FNBP1L: variants seen among roughly 807,000 people sequenced by gnomAD.
FNBP1L encodes the protein formin binding protein 1 like, also known as formin-binding protein 1-like.
Under a neutral mutation model 91.2 loss-of-function variants are expected in FNBP1L, and 36 were observed. That is an observed-to-expected ratio of 0.39 (90% CI 0.30 to 0.52). The LOEUF (loss-of-function observed/expected upper bound fraction) is 0.52. Among genes scored for constraint, FNBP1L ranks in the 20% least tolerant of loss-of-function variants. FNBP1L has a pLI of 0.66. For synonymous variants in FNBP1L, 242 were observed against 237.0 expected, an observed-to-expected ratio of 1.02 and a Z score of -0.19; for missense variants, 571 against 732.1, an observed-to-expected ratio of 0.78 and a Z score of 2.54.
intron 5 of FNBP1L, among the ~76,000 whole-genome samples, chr1:93,528,591 C>T (rs528827771): frequency 9.9e-5 from 15 of 152,120 alleles, no homozygotes; most frequent in East Asian, 1.9e-4. Flanking sequence ...GAATCAAGAA[C>T]GGAGAAAGCA....
intron 2 of FNBP1L, among the ~76,000 whole-genome samples, chr1:93,511,629 C>A (rs545944504): frequency 6.6e-6 from 1 of 152,168 alleles, no homozygotes; most frequent in Non-Finnish European, 1.5e-5. Flanking sequence ...TGTAAATGGA[C>A]TAAATGCTCC....
intron 2 of FNBP1L, among the ~76,000 whole-genome samples, chr1:93,510,399 T>A (rs1670790125): frequency 6.6e-6 from 1 of 152,192 alleles, no homozygotes; most frequent in Non-Finnish European, 1.5e-5. Context: ...CTGAGGGTCC[T>A]GTCTGTTAGA....
intron 16 of FNBP1L, chr1:93,551,758 A>C (rs1672423491): frequency 1.0e-6 from 1 of 985,254 alleles, no homozygotes; most frequent in Non-Finnish European, 1.2e-6. Context: ...TCTTAGGTGA[A>C]TAAAATAGAT....
chr1:93,509,151 C>G (rs1020706047), intron 2 of FNBP1L, among the ~76,000 whole-genome samples: 4 of 152,124 alleles, frequency 2.6e-5, no homozygotes, highest in Admixed American at 1.3e-4. Flanking sequence ...ATATGTTAGG[C>G]TATACTAGAA....
chr1:93,546,478 G>C (rs914085800), intron 12 of FNBP1L, among the ~76,000 whole-genome samples: 1 of 152,156 alleles, frequency 6.6e-6, no homozygotes, highest in Non-Finnish European at 1.5e-5. Flanking sequence ...GTGGAATAGT[G>C]TGGCTGAGTT....
intron 1 of FNBP1L, among the ~76,000 whole-genome samples, chr1:93,478,955 T>G (rs1669591027): frequency 6.6e-6 from 1 of 152,250 alleles, no homozygotes; most frequent in African/African-American, 2.4e-5. Context: ...GTTTGCTTTC[T>G]AAAAGGCAGC....
chr1:93,471,253 C>T (rs569673470), intron 1 of FNBP1L, among the ~76,000 whole-genome samples: 1 of 152,184 alleles, frequency 6.6e-6, no homozygotes, highest in Non-Finnish European at 1.5e-5. Flanking sequence ...CATGCTGTCA[C>T]TCAAAAACTT....
intron 1 of FNBP1L, among the ~76,000 whole-genome samples, chr1:93,453,635 T>G (rs1482208804): frequency 6.6e-6 from 1 of 152,186 alleles, no homozygotes; most frequent in Non-Finnish European, 1.5e-5. Flanking sequence ...TTTAAACATT[T>G]TCACTTCAAT....
chr1:93,507,087 ACACACACACACACACACACACTCT>A (rs1670646927), intron 2 of FNBP1L, among the ~76,000 whole-genome samples: 3 of 131,100 alleles, frequency 2.3e-5, no homozygotes, highest in African/African-American at 3.2e-5. Flanking sequence ...ACACACACAC[ACACACACACACACACACACACTCT>A]CTCTCTCTCT....
At chr1:93,460,067 T>TTC (rs991768179) in intron 1 of FNBP1L, among the ~76,000 whole-genome samples, 1 of 151,960 alleles carries the variant, frequency 6.6e-6, no homozygotes, top group Non-Finnish European at 1.5e-5. Flanking sequence ...CAATGAGCAT[T>TTC]TCCTTTGAGC....
chr1:93,512,549 G>T (rs1371082317), intron 2 of FNBP1L, among the ~76,000 whole-genome samples: 1 of 151,868 alleles, frequency 6.6e-6, no homozygotes, highest in Non-Finnish European at 1.5e-5. Flanking sequence ...AAATGTAAAA[G>T]AACAGAAATT....
At position 93,448,345 on chromosome 1, in the gene FNBP1L, C is replaced by G. The variant is rs558395297; in HGVS notation, c.24+40C>G. On this transcript the variant is annotated intron_variant, in intron 1 of 16. Coordinates refer to ENST00000271234, the MANE Select transcript of FNBP1L (RefSeq NM_001164473.3). Reference sequence around the variant, plus strand: ...GGGGCGCCCCGCACGGACCCCGGCCCCTGAGAAGCGCGGGTTGGGCGGGCG... The same window carrying G: ...GGGGCGCCCCGCACGGACCCCGGCCGCTGAGAAGCGCGGGTTGGGCGGGCG... 1.4e-4 allele frequency: 207 copies of G among 1,476,722 alleles called. No individual in the cohort carries two copies. In the African/African-American group the frequency reaches 2.7e-3, roughly 19 times the overall value. 91.5% of individuals were successfully genotyped at this position (1,476,722 alleles called of 1,614,324 possible). A position where few individuals can be genotyped will look rare whatever the true frequency, so the allele number is the denominator to read the frequency against.
chr1:93,528,223 A>G (rs1354991423), intron 5 of FNBP1L, among the ~76,000 whole-genome samples: 2 of 152,196 alleles, frequency 1.3e-5, no homozygotes, highest in African/African-American at 2.4e-5. Flanking sequence ...TGGAAAGGAT[A>G]TCCCATGTGC....
In FNBP1L at chr1:93,535,101, C is replaced by T. The variant is rs1384298; in HGVS notation, c.990+193C>T. On this transcript the variant is annotated intron_variant, in intron 9 of 16. Transcript: ENST00000271234. ...ATTTATGGATTTAACATTTGACTAC[C>T]GCTTAATAATGGGTAAGAGTATTAA... Among the ~76,000 whole-genome samples the T allele has an allele frequency of 2.2e-3, 340 of 152,070 alleles. 7 individuals are homozygous for T. The East Asian group carries it at 0.06, about 27-fold the overall frequency.
In FNBP1L at chr1:93,459,941, ATGTGTGTG is replaced by A. The variant is rs34705153; in HGVS notation, c.24+11666_24+11673del. On this transcript the variant is annotated intron_variant, in intron 1 of 16. Transcript: ENST00000271234. ...AGACCAGAAGTGTTTTGGATTTCAG[ATGTGTGTG>A]TGTGTGTGTGTGTGTGTGTGTGTGT... Among the ~76,000 whole-genome samples the A allele has an allele frequency of 9.4e-3, 1,341 of 142,276 alleles. 15 individuals carry two copies. Among genetic ancestry groups the A allele is most frequent in the African/African-American group, 0.032 (1,253 of 39,168 alleles). 93.3% of individuals were successfully genotyped at this position (142,276 alleles called of 152,430 possible).
At chr1:93,466,563 T>G (rs542828752) in intron 1 of FNBP1L, among the ~76,000 whole-genome samples, 7 of 152,196 alleles carry the variant, frequency 4.6e-5, no homozygotes, top group Admixed American at 1.3e-4. Context: ...TGGTCTATAT[T>G]TCTGTTTTGG....
intron 1 of FNBP1L, among the ~76,000 whole-genome samples, chr1:93,472,039 A>G (rs1411046144): frequency 1.3e-5 from 2 of 152,188 alleles, no homozygotes; most frequent in African/African-American, 2.4e-5. Context: ...AGAATCATGT[A>G]GAGAATTTAA....
chr1:93,514,790 C>G (rs370593143), intron 2 of FNBP1L, among the ~76,000 whole-genome samples: 1 of 151,660 alleles, frequency 6.6e-6, no homozygotes, highest in South Asian at 2.1e-4. Flanking sequence ...AAGACTTAAA[C>G]GTTAGACCTA....
In FNBP1L at chr1:93,483,035, A is replaced by AG. The variant is rs1297002075; in HGVS notation, c.25-16433_25-16432insG. Among the ~76,000 whole-genome samples, 6 of 150,038 alleles carry AG rather than the reference A, an allele frequency of 4.0e-5. No individual in the cohort carries two copies. In the East Asian group the frequency reaches 1.2e-3, roughly 29 times the overall value. The stretch of plus-strand genomic sequence containing the variant: ...TCCGTCTAAAAAAAACAAAAAAAAC[A>AG]AAAAACAAAAAGTAGCCAAGCATGG... On this transcript the variant is annotated intron_variant, in intron 1 of 16. Transcript: ENST00000271234.
Sources: gnomAD v4.1 joint callset for allele counts (sites outside exome capture counted in the v4.1 genomes callset) on GRCh38, gnomAD v4.1.1 for gene constraint, MANE v1.5 for transcripts, NCBI Gene and HGNC (gene_info 2026-07-23, HGNC 2026-07-21) for gene names.